The following LIPE variants were observed in gnomAD, a reference collection of about 807,000 sequenced individuals.
The protein encoded by LIPE is lipase E, hormone sensitive type, also known as hormone-sensitive lipase.
In LIPE, 66 loss-of-function variants were observed where a neutral mutation model predicts 88.5. The ratio of observed to expected loss-of-function variants is 0.75; its 90% CI spans 0.61 to 0.91. The LOEUF is 0.91. Among genes scored for constraint, LIPE ranks in the 40% least tolerant of loss-of-function variants. The probability of loss-of-function intolerance (pLI) is 0.00; values close to 1 mark genes in which losing one functional copy is unlikely to be tolerated. For missense variants in LIPE, 1,346 were observed against 1,434.7 expected, an observed-to-expected ratio of 0.94 and a Z score of 1.00; for synonymous variants, 570 against 617.5, an observed-to-expected ratio of 0.92 and a Z score of 1.14.
chr19:42,425,640 C>T (rs1475991508), intron 1 of LIPE, among the ~76,000 whole-genome samples: 4 of 152,136 alleles, frequency 2.6e-5, no homozygotes, highest in South Asian at 4.2e-4. Flanking sequence ...AGCGAGGCCA[C>T]GTCTCTACGG....
intron 1 of LIPE, among the ~76,000 whole-genome samples, chr19:42,422,351 C>T (rs1056539190): frequency 2.6e-5 from 4 of 152,284 alleles, no homozygotes; most frequent in Non-Finnish European, 5.9e-5. Flanking sequence ...ACCGGATCTC[C>T]GACGCCCACG....
rs983931181 is a variant in LIPE, at chr19:42,403,622, G to GTT, written c.2543-593_2543-592dup. Among the ~76,000 whole-genome samples, 9 of 146,698 alleles carry GTT rather than the reference G, an allele frequency of 6.1e-5. No homozygotes were observed. In the South Asian group the frequency reaches 6.5e-4, roughly 11 times the overall value. On this transcript the variant is annotated intron_variant, in intron 8 of 9. Transcript: ENST00000244289. The stretch of plus-strand genomic sequence containing the variant: ...GCCACCATGCCCGGCTAATTTTTGT[G>GTT]TTTTTTTTTTAGCAGAGATGGGGTT...
In LIPE at chr19:42,401,874, C is replaced by G. The variant is rs1161696034; in HGVS notation, c.3169G>C (p.Ala1057Pro). The change falls in exon 10 of 10, where the codon GCC (alanine) becomes CCC (proline). Residue 1057 changes from alanine to proline, a missense_variant. Physicochemically the swap from Ala to Pro is conservative, Grantham distance 27 (BLOSUM62 -1). Coordinates refer to ENST00000244289, the MANE Select transcript of LIPE (RefSeq NM_005357.4). ...GCCCCCGTCTCCCCGCTCGGCCCGGCTCCGGCGGGAGGAGTGAGGACGAGG... is the reference window on the plus strand; with the variant it reads ...GCCCCCGTCTCCCCGCTCGGCCCGGGTCCGGCGGGAGGAGTGAGGACGAGG... ...IRLVLTPPAGAGPSGETGAAG... is the reference protein window; with the variant it reads ...IRLVLTPPAGPGPSGETGAAG... 10 of 1,533,178 alleles carry G rather than the reference C, an allele frequency of 6.5e-6. No individual in the cohort carries two copies. The highest frequency in any genetic ancestry group is 6.0e-5 in the Admixed American group (3 of 50,196). 95.0% of individuals were successfully genotyped at this position (1,533,178 alleles called of 1,614,324 possible).
chr19:42,406,021 A>ACACG lies in LIPE; in HGVS notation c.2365+139_2365+140insCGTG, dbSNP rs1568598174. 4.2e-3 allele frequency: 2,464 copies of ACACG among 591,628 alleles called. 44 individuals are homozygous for ACACG. The African/African-American group carries it at 0.065, about 16-fold the overall frequency. 36.6% of individuals were successfully genotyped at this position (591,628 alleles called of 1,614,324 possible). On this transcript the variant is annotated intron_variant, in intron 7 of 9. Coordinates refer to ENST00000244289, the MANE Select transcript of LIPE (RefSeq NM_005357.4). The surrounding 1 kb of genome is among the most constrained non-coding windows in gnomAD (Gnocchi z 5.7). ...ACACACACACACACACACACACACG[A>ACACG]AAAAAAAGGGACAAGGAGTCTTAGA...
chr19:42,412,539 G>T, intron 1 of LIPE: 10 of 986,098 alleles, frequency 1.0e-5, no homozygotes, highest in Non-Finnish European at 1.2e-5. Flanking sequence ...AAACAGAGTA[G>T]AGGGCTCAGC....
rs761851018 is a variant in LIPE, at chr19:42,402,723, T to TGGAGCGTCGGGGGTGG, written c.2835_2850dup (p.Ser951ProfsTer145). 1.3e-6 allele frequency: 2 copies of TGGAGCGTCGGGGGTGG among 1,553,876 alleles called. No homozygotes were observed. The highest frequency in any genetic ancestry group is 3.7e-5 in the Admixed American group (2 of 54,118). On this transcript the variant is annotated frameshift_variant, in exon 9 of 10. Coordinates refer to ENST00000244289, the MANE Select transcript of LIPE (RefSeq NM_005357.4). LOFTEE classifies it high-confidence loss of function. ...AGGGGCATCTGTGTGGCACCCTGGC[T>TGGAGCGTCGGGGGTGG]GGAGCGTCGGGGGTGGAAACCCTCG...
At chr19:42,423,986 C>A (rs2040657361) in intron 1 of LIPE, 8 of 1,167,370 alleles carry the variant, frequency 6.9e-6, no homozygotes, top group African/African-American at 1.6e-5. Context: ...GAAAGTGGGG[C>A]GCCTCTGAGC....
intron 8 of LIPE, 27 bp downstream of exon 8, chr19:42,405,358 G>A: frequency 4.4e-6 from 7 of 1,607,276 alleles, no homozygotes; most frequent in African/African-American, 2.7e-5. Context: ...ACCCTGGCTG[G>A]GCATGTGACG....
In LIPE at chr19:42,414,353, G is replaced by C. The variant is rs1382833145; in HGVS notation, c.884-3511C>G. Among the ~76,000 whole-genome samples the C allele has an allele frequency of 6.6e-6, 1 of 152,220 alleles. No homozygotes were observed. Among genetic ancestry groups the C allele is most frequent in the Non-Finnish European group, 1.5e-5 (1 of 68,040 alleles). On this transcript the variant is annotated intron_variant, in intron 1 of 9. Transcript: ENST00000244289. The surrounding 1 kb of genome is among the most constrained non-coding windows in gnomAD (Gnocchi z 4.6). ...AGAAAAGGAAAGAAAGATGGCCCAA[G>C]CCCTTGCTGGCGACCCTGGATGAGT...
Position 42,414,603 on chromosome 19 carries a change from G to A in LIPE, c.884-3761C>T, listed in dbSNP as rs1411561138. Among the ~76,000 whole-genome samples, 2 of 152,174 alleles carry A rather than the reference G, an allele frequency of 1.3e-5. No homozygotes were observed. Among genetic ancestry groups the A allele is most frequent in the Non-Finnish European group, 2.9e-5 (2 of 68,044 alleles). ...GGAATACCTTGCTTCACTGTGCCTC[G>A]CACATACTGCATTTTTTACAAATTG... On this transcript the variant is annotated intron_variant, in intron 1 of 9. Coordinates refer to ENST00000244289, the MANE Select transcript of LIPE (RefSeq NM_005357.4). This position sits in a 1 kb window ranked among gnomAD's most constrained non-coding sequence, Gnocchi z 4.6.
chr19:42,410,678 G>A lies in LIPE; in HGVS notation c.1048C>T (p.Pro350Ser). Residue 350 changes from proline (P) to serine (S), a missense_variant, in exon 2 of 10, where the codon CCG becomes TCG. Physicochemically the swap from Pro to Ser is moderately conservative, Grantham distance 74. Coordinates refer to ENST00000244289, the MANE Select transcript of LIPE (RefSeq NM_005357.4). The surrounding 1 kb of genome is among the most constrained non-coding windows in gnomAD (Gnocchi z 6.1). ...ACACCCAGCAGGCGGCCCAGGGCCG[G>A]CTCCAGCCCCAGCGCCTGCTCCCGT... ...GVREQALGLE[P>S]ALGRLLGVAH... 1.2e-6 allele frequency: 2 copies of A among 1,612,352 alleles called. No homozygotes were observed. Among genetic ancestry groups the A allele is most frequent in the Non-Finnish European group, 1.7e-6 (2 of 1,178,936 alleles).
chr19:42,423,623 G>GC (rs997317315), intron 1 of LIPE: 9 of 1,185,600 alleles, frequency 7.6e-6, no homozygotes, highest in Non-Finnish European at 9.6e-6. Flanking sequence ...CTACTGTCGG[G>GC]CCCCCCTATT....
chr19:42,410,875 G>A lies in LIPE; in HGVS notation c.884-33C>T. ...CAGGTGGGGAGGCCTGTTAGGTGGG[G>A]CTGGATCAAGCCTTGCTTAGCTGGG... On this transcript the variant is annotated intron_variant, in intron 1 of 9. Coordinates refer to ENST00000244289, the MANE Select transcript of LIPE (RefSeq NM_005357.4). The surrounding 1 kb of genome is among the most constrained non-coding windows in gnomAD (Gnocchi z 6.1). 6.6e-7 allele frequency: 1 copy of A among 1,514,648 alleles called. No individual in the cohort carries two copies. Among genetic ancestry groups the A allele is most frequent in the Non-Finnish European group, 8.8e-7 (1 of 1,134,232 alleles). 93.8% of individuals were successfully genotyped at this position (1,514,648 alleles called of 1,614,324 possible).
rs200623426 is a variant in LIPE at position 42,407,625 on chromosome 19, T to A, written c.1823A>T (p.Tyr608Phe). 1.2e-6 allele frequency: 2 copies of A among 1,610,792 alleles called. No individual in the cohort carries two copies. Among genetic ancestry groups the A allele is most frequent in the African/African-American group, 2.7e-5 (2 of 74,856 alleles). Residue 608 changes from tyrosine to phenylalanine, a missense_variant, in exon 5 of 10, where the codon TAT becomes TTT. Physicochemically the swap from Tyr to Phe is conservative, Grantham distance 22. Coordinates refer to ENST00000244289, the MANE Select transcript of LIPE (RefSeq NM_005357.4). This position sits in a 1 kb window ranked among gnomAD's most constrained non-coding sequence, Gnocchi z 5.8. ...PGPVLVRLIS[Y>F]DLREGQDSEE... ...CCCTACCTGTCCTTCACGCAGGTCATAGGAGATGAGCCTGACGAGGACGGG... is the reference window on the plus strand; with the variant it reads ...CCCTACCTGTCCTTCACGCAGGTCAAAGGAGATGAGCCTGACGAGGACGGG...
At position 42,427,252 on chromosome 19, in the gene LIPE, G is replaced by A. The variant is rs2040725022; in HGVS notation, c.-103C>T. On this transcript the variant is annotated 5_prime_UTR_variant, in exon 1 of 10. Transcript: ENST00000244289. ...GATCTCTCATTGATTCCTCATGATG[G>A]CACTTCCTCTTGGGTTTCACTCCAT... 3.5e-6 allele frequency: 5 copies of A among 1,447,970 alleles called. No individual in the cohort carries two copies. The highest frequency in any genetic ancestry group is 3.6e-6 in the Non-Finnish European group (4 of 1,104,864). The allele number at this position is 1,447,970 out of a possible 1,614,324, so 89.7% of individuals were successfully genotyped here.
At chr19:42,416,107 C>T (rs941375336) in intron 1 of LIPE, among the ~76,000 whole-genome samples, 2 of 152,172 alleles carry the variant, frequency 1.3e-5, no homozygotes, top group Non-Finnish European at 2.9e-5. Flanking sequence ...CTTTGGGAGG[C>T]TGAGGCAGGT....
rs1270094030 is a variant in LIPE, at chr19:42,426,613, C to T, written c.537G>A (p.Glu179=). Residue 179 remains glutamate (E), a synonymous_variant, in exon 1 of 10, where the codon GAG becomes GAA. Coordinates refer to ENST00000244289, the MANE Select transcript of LIPE (RefSeq NM_005357.4). ...TTTGCTTGTCTGACTGTTCAGGTGT[C>T]TCTTGGGACGTAGATTCAGTCGGGG... is the stretch of plus-strand genomic sequence containing the variant. ...PSAPTESTSQ[E]TPEQSDKQTT... is the part of the protein sequence containing the mutation. The T allele has an allele frequency of 1.2e-6, 2 of 1,614,184 alleles. No homozygotes were observed. The highest frequency in any genetic ancestry group is 2.2e-5 in the East Asian group (1 of 44,868).
Position 42,410,180 on chromosome 19 carries a change from T to A in LIPE, c.1419+127A>T. 1.0e-6 allele frequency: 1 copy of A among 987,916 alleles called. No individual in the cohort carries two copies. Among genetic ancestry groups the A allele is most frequent in the Non-Finnish European group, 1.5e-6 (1 of 688,208 alleles). The allele number at this position is 987,916 out of a possible 1,614,324, so 61.2% of individuals were successfully genotyped here. ...TCTGAGCTCCAGCCAACTTCTCCTT[T>A]CTGTACCTGCTGTTTGCTGAGTCCG... On this transcript the variant is annotated intron_variant, in intron 2 of 9. Coordinates refer to ENST00000244289, the MANE Select transcript of LIPE (RefSeq NM_005357.4). This position sits in a 1 kb window ranked among gnomAD's most constrained non-coding sequence, Gnocchi z 6.1.
intron 1 of LIPE, among the ~76,000 whole-genome samples, chr19:42,420,009 C>CTTTTTT (rs201890153): frequency 1.6e-5 from 2 of 128,694 alleles, no homozygotes. Context: ...GATTTCTTTT[C>CTTTTTT]TTTTTTTTTT....
Sources: gnomAD v4.1 joint callset for allele counts (sites outside exome capture counted in the v4.1 genomes callset) on GRCh38, gnomAD v4.1.1 for gene constraint, Gnocchi (gnomAD v3.1) non-coding constraint, MANE v1.5 for transcripts, NCBI Gene and HGNC (gene_info 2026-07-23, HGNC 2026-07-21) for gene names.